NBEA: variants seen among roughly 807,000 people sequenced by gnomAD.
The protein encoded by NBEA is neurobeachin, also known as lysosomal-trafficking regulator 2.
NBEA carries 44 observed loss-of-function variants against 343.4 expected under a neutral mutation model. That is an observed-to-expected ratio of 0.13 (90% CI 0.10 to 0.16). The LOEUF is 0.16. Ranked by LOEUF, NBEA falls within the 10% of genes least tolerant of loss-of-function variation. The probability of loss-of-function intolerance (pLI) is 1.00; values close to 1 mark genes in which losing one functional copy is unlikely to be tolerated. For missense variants in NBEA, 2,555 were observed against 3,631.3 expected (o/e 0.70, Z 7.62); for synonymous variants, 1,175 against 1,238.7 (o/e 0.95, Z 1.08).
chr13:35,411,645 G>GTGTT (rs200390448), intron 38 of NBEA, among the ~76,000 whole-genome samples: 6 of 109,318 alleles, frequency 5.5e-5, no homozygotes, highest in African/African-American at 1.7e-4. Flanking sequence ...TTTGTTTTTT[G>GTGTT]TTTTGTTGTT....
intron 16 of NBEA, among the ~76,000 whole-genome samples, chr13:35,121,661 CT>C: frequency 6.6e-6 from 1 of 151,512 alleles, no homozygotes; most frequent in South Asian, 2.1e-4. Context: ...ATAGTTTATT[CT>C]TTAATAGATG....
intron 48 of NBEA, among the ~76,000 whole-genome samples, chr13:35,624,361 C>T (rs1032476479): frequency 6.6e-6 from 1 of 151,872 alleles, no homozygotes; most frequent in Non-Finnish European, 1.5e-5. Flanking sequence ...TAAACTTAAC[C>T]AAGAACACTA....
rs73169773 is a variant in NBEA, at chr13:35,464,193, C to T, written c.6449-8207C>T. On this transcript the variant is annotated intron_variant, in intron 40 of 58. Transcript: ENST00000379939. ...CCCAGAAAAAGGGTAAACCCCAGTGCTCTGCACTATAATTTCTGAGCTCTA... is the reference window on the plus strand; with the variant it reads ...CCCAGAAAAAGGGTAAACCCCAGTGTTCTGCACTATAATTTCTGAGCTCTA... 6.7e-3 allele frequency among the ~76,000 whole-genome samples: 1,013 copies of T among 152,274 alleles called. 2 individuals are homozygous for T. The highest frequency in any genetic ancestry group is 0.014 in the Middle Eastern group (4 of 294).
At chr13:35,390,814 G>T (rs1219124727) in intron 38 of NBEA, among the ~76,000 whole-genome samples, 1 of 152,100 alleles carries the variant, frequency 6.6e-6, no homozygotes, top group Non-Finnish European at 1.5e-5. Flanking sequence ...TTTCTTTGAA[G>T]AATTTCAAAT....
intron 34 of NBEA, among the ~76,000 whole-genome samples, chr13:35,285,209 T>C (rs2035341563): frequency 6.6e-6 from 1 of 152,150 alleles, no homozygotes; most frequent in Admixed American, 6.6e-5. Flanking sequence ...GTGGATGGAT[T>C]GCTTGAGCTC....
chr13:35,223,035 G>T (rs2074457049), intron 33 of NBEA, among the ~76,000 whole-genome samples: 1 of 152,136 alleles, frequency 6.6e-6, no homozygotes, highest in Admixed American at 6.5e-5. Context: ...GGAGTCTGAG[G>T]CAGGAGAATC....
chr13:35,066,377 T>C (rs1469600600), intron 8 of NBEA, among the ~76,000 whole-genome samples: 1 of 152,174 alleles, frequency 6.6e-6, no homozygotes, highest in Admixed American at 6.6e-5. Context: ...ATCTTATGAA[T>C]GGAAAGTTGA....
chr13:35,567,402 A>T, intron 45 of NBEA, among the ~76,000 whole-genome samples: 1 of 152,376 alleles, frequency 6.6e-6, no homozygotes, highest in South Asian at 2.1e-4. Context: ...GTAGGGAAAT[A>T]TAATACTGAA....
chr13:35,054,080 A>G (rs979133991), intron 6 of NBEA, among the ~76,000 whole-genome samples: 11 of 152,228 alleles, frequency 7.2e-5, no homozygotes, highest in African/African-American at 2.6e-4. Flanking sequence ...AATAAGTATA[A>G]TAATACATCT....
intron 46 of NBEA, among the ~76,000 whole-genome samples, chr13:35,585,679 A>T (rs537095900): frequency 1.3e-5 from 2 of 152,076 alleles, no homozygotes; most frequent in African/African-American, 4.8e-5. Context: ...CTACCTGAAC[A>T]TCTCACAGTA....
chr13:35,468,101 G>GTTTA (rs111813201), intron 40 of NBEA, among the ~76,000 whole-genome samples: 1 of 131,702 alleles, frequency 7.6e-6, no homozygotes, highest in African/African-American at 2.9e-5. Context: ...TCCTGAAAAT[G>GTTTA]ATTTACACCC....
At chr13:35,145,590 C>A (rs2068370648) in intron 18 of NBEA, among the ~76,000 whole-genome samples, 1 of 152,078 alleles carries the variant, frequency 6.6e-6, no homozygotes, top group Non-Finnish European at 1.5e-5. Flanking sequence ...GATGGCTATC[C>A]CTAAAGCCCG....
Position 35,159,420 on chromosome 13 carries a change from T to C in NBEA, c.3249T>C (p.Gly1083=). Residue 1083 remains glycine (G), a synonymous_variant, in exon 22 of 59, where the codon GGT becomes GGC. Coordinates refer to ENST00000379939, the MANE Select transcript of NBEA (RefSeq NM_001385012.1). ...ATTTATCACCGGAGACTTTAGTAGG[T>C]GGAGAGAATGGTGCCCTTGTGGAGG... is the stretch of plus-strand genomic sequence containing the variant. ...DMDLSPETLV[G]GENGALVEVE... is the part of the protein sequence containing the mutation. 1 of 1,613,356 alleles carries C rather than the reference T, an allele frequency of 6.2e-7. No individual in the cohort carries two copies.
intron 1 of NBEA, among the ~76,000 whole-genome samples, chr13:34,972,909 G>C (rs1264778151): frequency 6.6e-6 from 1 of 152,196 alleles, no homozygotes; most frequent in South Asian, 2.1e-4. Context: ...GGAGGAAAGA[G>C]AGCACTGTGG....
At chr13:35,652,509 C>T (rs1179180002) in intron 53 of NBEA, among the ~76,000 whole-genome samples, 10 of 149,272 alleles carry the variant, frequency 6.7e-5, no homozygotes, top group African/African-American at 1.5e-4. Flanking sequence ...GGCGCGGTGG[C>T]GGGCACCTGT....
intron 36 of NBEA, among the ~76,000 whole-genome samples, chr13:35,338,086 A>T (rs1749133100): frequency 6.6e-6 from 1 of 151,952 alleles, no homozygotes; most frequent in Admixed American, 6.6e-5. Context: ...AATTATTTCC[A>T]AAACAGGCTG....
intron 38 of NBEA, among the ~76,000 whole-genome samples, chr13:35,414,096 T>G (rs1022705121): frequency 5.3e-5 from 8 of 152,114 alleles, no homozygotes; most frequent in African/African-American, 1.7e-4. Flanking sequence ...AAAGAAATGC[T>G]TTTATATACC....
intron 1 of NBEA, among the ~76,000 whole-genome samples, chr13:35,004,895 A>G (rs1183780587): frequency 2.0e-5 from 3 of 152,242 alleles, no homozygotes; most frequent in Admixed American, 6.5e-5. Context: ...TGCACATGAT[A>G]GAATAAAAAT....
At chr13:35,082,279 G>C (rs988272611) in intron 10 of NBEA, among the ~76,000 whole-genome samples, 4 of 152,076 alleles carry the variant, frequency 2.6e-5, no homozygotes, top group Non-Finnish European at 4.4e-5. Flanking sequence ...AGTATTCCAT[G>C]GTGTATATGT....
Sources: allele counts gnomAD v4.1 joint callset (sites outside exome capture counted in the v4.1 genomes callset), GRCh38; gene constraint gnomAD v4.1.1; transcripts MANE v1.5; gene names NCBI Gene and HGNC (gene_info 2026-07-23, HGNC 2026-07-21).